Variants in OCA2 observed in about 807,000 individuals in gnomAD.
OCA2 encodes OCA2 melanosomal transmembrane protein.
In OCA2, 77 loss-of-function variants were observed where a neutral mutation model predicts 100.2. That is an observed-to-expected ratio of 0.77 (90% CI 0.64 to 0.93). OCA2 has a LOEUF of 0.93. OCA2 is among the 40% of genes least tolerant of loss of function. The probability of loss-of-function intolerance (pLI) is 0.00; values close to 1 mark genes in which losing one functional copy is unlikely to be tolerated. For synonymous variants in OCA2, 432 were observed against 439.2 expected, an observed-to-expected ratio of 0.98 and a Z score of 0.21; for missense variants, 1,062 against 1,089.1, an observed-to-expected ratio of 0.98 and a Z score of 0.35.
At chr15:28,005,024 G>T (rs745502879) in intron 9 of OCA2, among the ~76,000 whole-genome samples, 1 of 152,104 alleles carries the variant, frequency 6.6e-6, no homozygotes, top group Non-Finnish European at 1.5e-5. Flanking sequence ...TCACAATGTG[G>T]CTGTGACAGA....
chr15:27,986,648 G>C lies in OCA2; in HGVS notation c.1183-5C>G. On this transcript the variant is annotated splice_polypyrimidine_tract_variant and splice_region_variant and intron_variant, in intron 11 of 23. Transcript: ENST00000354638. ...AAATATGGCTACTAAGATCATCTAT[G>C]GGGAAAAGAAGAAGACAAGGATAAT... 1 of 1,534,308 alleles carries C rather than the reference G, an allele frequency of 6.5e-7. No homozygotes were observed. Among genetic ancestry groups the C allele is most frequent in the African/African-American group, 1.3e-5 (1 of 74,074 alleles).
intron 21 of OCA2, 84 bp from the exon 22 acceptor site, chr15:27,851,559 T>C (rs1441358850): frequency 5.6e-6 from 6 of 1,079,686 alleles, no homozygotes; most frequent in African/African-American, 3.1e-5. Flanking sequence ...AAAATCCAAA[T>C]GCTTTCTCAG....
chr15:28,060,885 T>C lies in OCA2; in HGVS notation c.227+20763A>G, dbSNP rs181649695. Among the ~76,000 whole-genome samples the C allele has an allele frequency of 8.5e-5, 13 of 152,326 alleles. No individual in the cohort carries two copies. In the East Asian group the frequency reaches 2.1e-3, roughly 25 times the overall value. ...ACTATTGGAGCTGTCTGGCAGTACC[T>C]TGACTACCCCTCTCACAGGTACCAT... On this transcript the variant is annotated intron_variant, in intron 2 of 23. Coordinates refer to ENST00000354638, the MANE Select transcript of OCA2 (RefSeq NM_000275.3).
At chr15:28,010,363 A>G (rs908099241) in intron 9 of OCA2, among the ~76,000 whole-genome samples, 3 of 152,238 alleles carry the variant, frequency 2.0e-5, no homozygotes, top group African/African-American at 7.2e-5. Context: ...TAGCCACTGC[A>G]GTAAGGCAAG....
chr15:27,782,275 C>T (rs1205079260), intron 23 of OCA2, among the ~76,000 whole-genome samples: 1 of 152,124 alleles, frequency 6.6e-6, no homozygotes, highest in African/African-American at 2.4e-5. Flanking sequence ...AAATGAAATG[C>T]AATCCAAGAA....
At chr15:27,944,221 C>G (rs2039754299) in intron 18 of OCA2, among the ~76,000 whole-genome samples, 1 of 152,188 alleles carries the variant, frequency 6.6e-6, no homozygotes, top group African/African-American at 2.4e-5. Context: ...AAAATTGCAT[C>G]AGTGAGAAAA....
rs1251628913 is a variant in OCA2, at chr15:27,957,607, T to A, written c.1765A>T (p.Arg589Trp). 4 of 1,612,718 alleles carry A rather than the reference T, an allele frequency of 2.5e-6. No homozygotes were observed. Among genetic ancestry groups the A allele is most frequent in the Non-Finnish European group, 3.4e-6 (4 of 1,179,884 alleles). ...CGGTACCTGTGGAAGGTGTGCAGCC[T>A]CCGGGCGAGCAGGTGCTCCAGTGCC... ...VLALEHLLAR[R>W]LHTFHRQISQ... is the part of the protein sequence containing the mutation. The change falls in exon 16 of 24, where the codon AGG becomes TGG. Residue 589 changes from arginine (R) to tryptophan (W), a missense_variant. By Grantham distance (101) the Arg-to-Trp change is moderately radical. Coordinates refer to ENST00000354638, the MANE Select transcript of OCA2 (RefSeq NM_000275.3). This position sits in a 1 kb window ranked among gnomAD's most constrained non-coding sequence, Gnocchi z 4.3.
At chr15:27,745,497 T>A in the OCA2 span, among the ~76,000 whole-genome samples, 2 of 152,156 alleles carry the variant, frequency 1.3e-5, no homozygotes, top group East Asian at 3.9e-4. Flanking sequence ...CGGCTAGAAA[T>A]ACCTAACTTT....
chr15:27,994,320 A>G (rs1008246441), intron 9 of OCA2, among the ~76,000 whole-genome samples: 2 of 152,164 alleles, frequency 1.3e-5, no homozygotes, highest in African/African-American at 4.8e-5. Flanking sequence ...TTTCATCCCA[A>G]AATGATGTCC....
the OCA2 span, among the ~76,000 whole-genome samples, chr15:27,729,398 TG>T: frequency 3.9e-5 from 6 of 151,946 alleles, no homozygotes; most frequent in East Asian, 1.2e-3. Flanking sequence ...CAAAGCCACT[TG>T]CATATTTTTA....
intron 9 of OCA2, among the ~76,000 whole-genome samples, chr15:28,005,568 A>G (rs921699965): frequency 6.6e-6 from 1 of 152,086 alleles, no homozygotes; most frequent in Admixed American, 6.6e-5. Flanking sequence ...CCTCTTTTCC[A>G]GCTTCGAAGC....
chr15:27,801,642 G>GAC (rs1177455421), intron 23 of OCA2, among the ~76,000 whole-genome samples: 1 of 149,842 alleles, frequency 6.7e-6, no homozygotes, highest in Non-Finnish European at 1.5e-5. Context: ...TTTAACATCT[G>GAC]ACAGGCAAGC....
At chr15:28,077,025 G>A (rs1330688970) in intron 2 of OCA2, among the ~76,000 whole-genome samples, 6 of 151,628 alleles carry the variant, frequency 4.0e-5, no homozygotes, top group Admixed American at 1.3e-4. Context: ...AGTGGAGAGA[G>A]TGGGGAAGTC....
At chr15:27,801,740 T>C (rs2033624996) in intron 23 of OCA2, among the ~76,000 whole-genome samples, 1 of 152,056 alleles carries the variant, frequency 6.6e-6, no homozygotes, top group African/African-American at 2.4e-5. Context: ...CACCCATTCA[T>C]AATAAAAAGT....
the OCA2 span, among the ~76,000 whole-genome samples, chr15:27,719,789 T>A: frequency 2.0e-5 from 3 of 152,186 alleles, no homozygotes; most frequent in Non-Finnish European, 4.4e-5. Context: ...AAGTGCAAGA[T>A]TGGGTGGCCC....
intron 23 of OCA2, among the ~76,000 whole-genome samples, chr15:27,792,438 T>A (rs957982628): frequency 2.6e-5 from 4 of 152,066 alleles, no homozygotes; most frequent in Admixed American, 6.6e-5. Flanking sequence ...TCTAACTGGG[T>A]TTTATGGCTA....
intron 1 of OCA2, among the ~76,000 whole-genome samples, chr15:28,083,497 G>A (rs2044716105): frequency 6.6e-6 from 1 of 152,114 alleles, no homozygotes; most frequent in Admixed American, 6.5e-5. Flanking sequence ...CAGTTGCATT[G>A]GTTTTAGACA....
In OCA2 at chr15:28,018,097, C is replaced by CA. The variant is rs368311380; in HGVS notation, c.807+299dup. On this transcript the variant is annotated intron_variant, in intron 7 of 23. Coordinates refer to ENST00000354638, the MANE Select transcript of OCA2 (RefSeq NM_000275.3). ...GGACTTAACTGCACTTCAACGACAC[C>CA]AAAAAAAAAAAAAAAAGTTTTTTCA... is the stretch of plus-strand genomic sequence containing the variant. Among the ~76,000 whole-genome samples the CA allele has an allele frequency of 1.9e-3, 216 of 114,932 alleles. 1 individual carries two copies. Among genetic ancestry groups the CA allele is most frequent in the South Asian group, 4.3e-3 (16 of 3,688 alleles). The allele number at this position is 114,932 out of a possible 152,430, so 75.4% of individuals were successfully genotyped here.
At chr15:27,724,855 G>T in the OCA2 span, among the ~76,000 whole-genome samples, 1 of 150,422 alleles carries the variant, frequency 6.6e-6, no homozygotes, top group Non-Finnish European at 1.5e-5. Flanking sequence ...GAAAACTGCC[G>T]CTTGGATAAA....
Sources: allele counts gnomAD v4.1 joint callset (sites outside exome capture counted in the v4.1 genomes callset), GRCh38; gene constraint gnomAD v4.1.1; non-coding constraint Gnocchi (gnomAD v3.1); transcripts MANE v1.5; gene names NCBI Gene and HGNC (gene_info 2026-07-23, HGNC 2026-07-21).